The following RGL1 variants were observed in gnomAD, a reference collection of about 807,000 sequenced individuals.
RGL1 encodes ral guanine nucleotide dissociation stimulator like 1, also known as ral guanine nucleotide dissociation stimulator-like 1.
Under a neutral mutation model 95.2 loss-of-function variants are expected in RGL1, and 24 were observed. That is an observed-to-expected ratio of 0.25 (90% CI 0.18 to 0.35). The LOEUF (loss-of-function observed/expected upper bound fraction) is 0.35, where lower values mean the gene tolerates loss of function less well. Among genes scored for constraint, RGL1 ranks in the 10% least tolerant of loss-of-function variants. The probability of loss-of-function intolerance (pLI) is 1.00; values close to 1 mark genes in which losing one functional copy is unlikely to be tolerated. For synonymous variants in RGL1, 329 were observed against 344.9 expected, an observed-to-expected ratio of 0.95 and a Z score of 0.51; for missense variants, 715 against 936.3, an observed-to-expected ratio of 0.76 and a Z score of 3.08.
chr1:183,883,972 G>A, intron 6 of RGL1, 62 bp downstream of exon 6: 2 of 1,547,294 alleles, frequency 1.3e-6, no homozygotes, highest in South Asian at 1.1e-5. Context: ...TGATGGCACT[G>A]GTGCCCCGGT....
At chr1:183,683,535 C>T (rs1653364686) in intron 1 of RGL1, among the ~76,000 whole-genome samples, 5 of 152,230 alleles carry the variant, frequency 3.3e-5, no homozygotes. Flanking sequence ...AAGAGATCCA[C>T]TGTTAGTCTG....
In RGL1 at chr1:183,713,383, C is replaced by CG. The variant is rs1035782161; in HGVS notation, c.-32-28743_-32-28742insG. ...AAAAAAAAATCTAGAGGCACCCCCC[C>CG]CCCCCGCTTTTATAATGACCCTTTT... On this transcript the variant is annotated intron_variant, in intron 1 of 18. Transcript: ENST00000304685. Among the ~76,000 whole-genome samples the CG allele has an allele frequency of 9.5e-5, 13 of 136,638 alleles. 1 individual carries two copies. Among genetic ancestry groups the CG allele is most frequent in the Admixed American group, 2.9e-4 (4 of 13,618 alleles). 89.6% of individuals were successfully genotyped at this position (136,638 alleles called of 152,430 possible). A position where few individuals can be genotyped will look rare whatever the true frequency, so the allele number is the denominator to read the frequency against.
chr1:183,643,664 T>A (rs137933984), intron 1 of RGL1, among the ~76,000 whole-genome samples: 1,980 of 152,144 alleles, frequency 0.013, 50 homozygotes, highest in African/African-American at 0.046. Context: ...TTGCCCAGGC[T>A]GGTCTTTAAC....
intron 2 of RGL1, among the ~76,000 whole-genome samples, chr1:183,817,822 T>C (rs2102447160): frequency 6.6e-6 from 1 of 152,268 alleles, no homozygotes; most frequent in East Asian, 1.9e-4. Context: ...GTAACACTCG[T>C]TTTTGTGCAA....
At chr1:183,800,629 C>G (rs929729465), upstream of RGL1, among the ~76,000 whole-genome samples, 4 of 152,206 alleles carry the variant, frequency 2.6e-5, no homozygotes, top group Admixed American at 6.5e-5. Context: ...AACTGAAACT[C>G]TGTACACACT....
intron 1 of RGL1, among the ~76,000 whole-genome samples, chr1:183,677,251 C>T (rs1430640237): frequency 6.6e-6 from 1 of 151,056 alleles, no homozygotes; most frequent in Non-Finnish European, 1.5e-5. Flanking sequence ...GCCACAACTT[C>T]TCTCACTAAA....
At position 183,892,084 on chromosome 1, in the gene RGL1, A is replaced by G. The variant is rs1667457549; in HGVS notation, c.1063A>G (p.Met355Val). ...CTTAATCCCTTTTCATAGGGACCGA[A>G]TGCTGATGTTTGAAGAACTTTCAGA... The part of the protein sequence containing the change: ...KTWAAVPRDR[M>V]LMFEELSDIF... The change falls in exon 9 of 18, where the codon ATG (methionine) becomes GTG (valine). Residue 355 changes from methionine to valine, a missense_variant. Physicochemically the swap from Met to Val is conservative, Grantham distance 21. Transcript: ENST00000360851. The G allele has an allele frequency of 6.2e-7, 1 of 1,611,730 alleles. No individual in the cohort carries two copies.
rs1214523130 is a variant in RGL1 at position 183,807,314 on chromosome 1, A to G, written c.138+829A>G. Among the ~76,000 whole-genome samples the G allele has an allele frequency of 2.6e-5, 4 of 152,202 alleles. No individual in the cohort carries two copies. In the East Asian group the frequency reaches 7.7e-4, roughly 29 times the overall value. On this transcript the variant is annotated intron_variant, in intron 2 of 17. Transcript: ENST00000360851. ...AGAGGCGACCCAAAAAGCCTTGAGA[A>G]AGAAAATAATGGTTGGCTGAATAGA...
intron 17 of RGL1, 76 bp from the exon 18 acceptor site, chr1:183,926,029 A>G (rs1388581807): frequency 1.5e-6 from 2 of 1,291,314 alleles, no homozygotes; most frequent in African/African-American, 1.5e-5. Context: ...TGTCTGGGCA[A>G]GGTTTACAGC....
intron 1 of RGL1, among the ~76,000 whole-genome samples, chr1:183,805,966 CTTTTCTTTTTTTTTTTTTTTTTT>C (rs1452418273): frequency 0.034 from 950 of 28,322 alleles, 11 homozygotes; most frequent in African/African-American, 0.098. Context: ...TTTTTCTTTT[CTTTTCTTTTTTTTTTTTTTTTTT>C]TTTTTTTTTT....
chr1:183,639,541 A>G (rs1036906536), intron 1 of RGL1, among the ~76,000 whole-genome samples: 1 of 152,146 alleles, frequency 6.6e-6, no homozygotes, highest in Non-Finnish European at 1.5e-5. Flanking sequence ...GAATATCTAC[A>G]TCAACTGGTT....
intron 4 of RGL1, among the ~76,000 whole-genome samples, chr1:183,867,628 T>C (rs1395307276): frequency 6.6e-6 from 1 of 152,062 alleles, no homozygotes; most frequent in East Asian, 1.9e-4. Context: ...ATGGGTTTTT[T>C]TTTTGGTTGT....
At chr1:183,875,779 T>G (rs932839040) in intron 4 of RGL1, among the ~76,000 whole-genome samples, 10 of 148,298 alleles carry the variant, frequency 6.7e-5, no homozygotes, top group East Asian at 6.0e-4. Context: ...CTCGGGAGGC[T>G]GAGGCAGGAG....
At chr1:183,828,002 C>T (rs1364712538) in intron 2 of RGL1, among the ~76,000 whole-genome samples, 1 of 152,216 alleles carries the variant, frequency 6.6e-6, no homozygotes, top group East Asian at 1.9e-4. Context: ...AGAGACAGTG[C>T]TTTCTTTGTT....
At chr1:183,924,191 A>C (rs1669480191) in intron 17 of RGL1, among the ~76,000 whole-genome samples, 1 of 152,202 alleles carries the variant, frequency 6.6e-6, no homozygotes, top group Non-Finnish European at 1.5e-5. Context: ...AGCACTATTC[A>C]CAATAGCAAA....
At chr1:183,907,393 G>A (rs115896819) in intron 14 of RGL1, among the ~76,000 whole-genome samples, 41,312 of 151,778 alleles carry the variant, frequency 0.27, 5,880 homozygotes, top group Non-Finnish European at 0.3. Flanking sequence ...AAATAGCTAG[G>A]TTGTCTTTTA....
intron 1 of RGL1, among the ~76,000 whole-genome samples, chr1:183,697,225 C>G (rs1173656979): frequency 6.6e-6 from 1 of 152,100 alleles, no homozygotes; most frequent in African/African-American, 2.4e-5. Flanking sequence ...TCTTTCAAGT[C>G]TTTGCTTAGA....
chr1:183,852,782 G>A (rs969486324), intron 3 of RGL1, among the ~76,000 whole-genome samples: 6 of 151,460 alleles, frequency 4.0e-5, no homozygotes, highest in South Asian at 2.1e-4. Context: ...CAGCCTGGGC[G>A]ACACAGTAAG....
At chr1:183,719,316 T>G (rs1268423798) in intron 1 of RGL1, among the ~76,000 whole-genome samples, 1 of 152,246 alleles carries the variant, frequency 6.6e-6, no homozygotes, top group Non-Finnish European at 1.5e-5. Flanking sequence ...TTGACTACAG[T>G]GTGGTCTCTT....
Sources: allele counts gnomAD v4.1 joint callset (sites outside exome capture counted in the v4.1 genomes callset), GRCh38; gene constraint gnomAD v4.1.1; transcripts MANE v1.5; gene names NCBI Gene and HGNC (gene_info 2026-07-23, HGNC 2026-07-21).